ZNF628: variants seen among roughly 807,000 people sequenced by gnomAD.
The protein encoded by ZNF628 is zinc finger protein 628.
A neutral mutation model predicts 2.5 loss-of-function variants in ZNF628; 3 were observed. That is an observed-to-expected ratio of 1.19 (90% CI 0.54 to 3.07). The LOEUF (loss-of-function observed/expected upper bound fraction) is 3.07, where lower values mean the gene tolerates loss of function less well. Ranked by LOEUF, ZNF628 falls within the 30% of genes most tolerant of loss-of-function variation. The pLI is 0.03. For synonymous variants in ZNF628, 861 were observed against 717.1 expected (o/e 1.20, Z -3.21); for missense variants, 1,610 against 1,517.1 (o/e 1.06, Z -1.02).
Position 55,483,330 on chromosome 19 carries a change from C to T in ZNF628, c.2137C>T (p.Leu713Phe), listed in dbSNP as rs767704787. 164 of 1,537,572 alleles carry T rather than the reference C, an allele frequency of 1.1e-4. No homozygotes were observed. Among genetic ancestry groups the T allele is most frequent in the Middle Eastern group, 1.7e-4 (1 of 5,980 alleles). ...GPAAPNSQTF[L>F]LVQTAQGLQL... is the part of the protein sequence containing the mutation. ...AGCAGCGCCCAACTCTCAGACGTTC[C>T]TCCTGGTGCAAACTGCCCAGGGCCT... The change falls in exon 3 of 3, where the codon CTC becomes TTC. Residue 713 changes from leucine (L) to phenylalanine (F), a missense_variant. Around this residue, in one of 5 missense-constraint regions of ZNF628, gnomAD observed 712 missense variants for 603.6 expected, o/e 1.18. Transcript: ENST00000598519.
At position 55,481,683 on chromosome 19, in the gene ZNF628, C is replaced by T. The variant is rs1986705152; in HGVS notation, c.490C>T (p.Arg164Trp). The change falls in exon 3 of 3, where the codon CGG becomes TGG. Residue 164 changes from arginine (R) to tryptophan (W), a missense_variant. By Grantham distance (101) the Arg-to-Trp change is moderately radical (BLOSUM62 -3). Around this residue, in one of 5 missense-constraint regions of ZNF628, gnomAD observed 166 missense variants for 241.3 expected, o/e 0.69. Coordinates refer to ENST00000598519, the MANE Select transcript of ZNF628 (RefSeq NM_033113.3). ...GGCCTTCAAGAACTCGTCCAGCCTG[C>T]GGCGCCACCGCCACGTGCACACCGG... is the stretch of plus-strand genomic sequence containing the variant. ...PKAFKNSSSLRRHRHVHTGER... is the reference protein window; with the variant it reads ...PKAFKNSSSLWRHRHVHTGER... The T allele has an allele frequency of 6.2e-7, 1 of 1,613,234 alleles. No homozygotes were observed. Among genetic ancestry groups the T allele is most frequent in the Non-Finnish European group, 8.5e-7 (1 of 1,179,652 alleles).
intron 1 of ZNF628, among the ~76,000 whole-genome samples, chr19:55,478,742 A>G (rs1986624438): frequency 6.6e-6 from 1 of 152,118 alleles, no homozygotes; most frequent in Non-Finnish European, 1.5e-5. Context: ...GAGGCCTGTG[A>G]GAAGTGGCCA....
rs957158945 is a variant in ZNF628, at chr19:55,483,832, G to A, written c.2639G>A (p.Gly880Glu). 12 of 1,613,344 alleles carry A rather than the reference G, an allele frequency of 7.4e-6. No individual in the cohort carries two copies. The highest frequency in any genetic ancestry group is 5.3e-5 in the African/African-American group (4 of 74,908). Residue 880 changes from glycine to glutamate, a missense_variant, in exon 3 of 3, where the codon GGA becomes GAA. Coordinates refer to ENST00000598519, the MANE Select transcript of ZNF628 (RefSeq NM_033113.3). The stretch of plus-strand genomic sequence containing the variant: ...GGCCAGCTCTCCAATTCCAGTGGGG[G>A]AGCTGTGGCTACTGAGGCACCCAAC... ...VAGQLSNSSG[G>E]AVATEAPNLL...
At position 55,482,901 on chromosome 19, in the gene ZNF628, G is replaced by A; in HGVS notation, c.1708G>A (p.Val570Ile). 6.2e-7 allele frequency: 1 copy of A among 1,607,620 alleles called. No homozygotes were observed. Among genetic ancestry groups the A allele is most frequent in the Non-Finnish European group, 8.5e-7 (1 of 1,177,578 alleles). ...HTGERPHACG[V>I]CGKSFAQTSN... ...TGGCGAGAGGCCCCACGCCTGCGGT[G>A]TCTGCGGCAAGAGCTTCGCGCAGAC... Residue 570 changes from valine to isoleucine, a missense_variant, in exon 3 of 3, where the codon GTC (valine) becomes ATC (isoleucine). Val to Ile is a conservative substitution (Grantham distance 29). This residue lies in a region of ZNF628 where 651 missense variants were observed against 575.6 expected (regional missense o/e 1.13). Transcript: ENST00000598519.
Position 55,481,789 on chromosome 19 carries a change from C to G in ZNF628, c.596C>G (p.Thr199Arg). Residue 199 changes from threonine to arginine, a missense_variant, in exon 3 of 3, where the codon ACG becomes AGG. Around this residue, in one of 5 missense-constraint regions of ZNF628, gnomAD observed 166 missense variants for 241.3 expected, o/e 0.69. Coordinates refer to ENST00000598519, the MANE Select transcript of ZNF628 (RefSeq NM_033113.3). The part of the protein sequence containing the change: ...TNLRQHQRVH[T>R]GERPFRCPLC... ...CTGCGGCAGCACCAGCGCGTGCACA[C>G]GGGCGAGCGGCCCTTCCGCTGCCCG... 1 of 1,605,596 alleles carries G rather than the reference C, an allele frequency of 6.2e-7. No homozygotes were observed. Among genetic ancestry groups the G allele is most frequent in the Non-Finnish European group, 8.5e-7 (1 of 1,176,594 alleles).
In ZNF628 at chr19:55,483,154, C is replaced by T; in HGVS notation, c.1961C>T (p.Thr654Ile). Residue 654 changes from threonine (T) to isoleucine (I), a missense_variant, in exon 3 of 3, where the codon ACA (threonine) becomes ATA (isoleucine). Physicochemically the swap from Thr to Ile is moderately conservative, Grantham distance 89. This residue lies in a region of ZNF628 where 712 missense variants were observed against 603.6 expected (regional missense o/e 1.18). Transcript: ENST00000598519. ...CCGGCCAACACGCCTCCCAGCACCA[C>T]AGCCCCTGCCGCCGGCCCCCAGCCC... ...HAPANTPPST[T>I]APAAGPQPPA... The T allele has an allele frequency of 6.4e-7, 1 of 1,563,596 alleles. No individual in the cohort carries two copies. Among genetic ancestry groups the T allele is most frequent in the Non-Finnish European group, 8.6e-7 (1 of 1,161,960 alleles).
chr19:55,481,085 T>C, intron 2 of ZNF628, 116 bp from the exon 3 acceptor site: 1 of 1,365,436 alleles, frequency 7.3e-7, no homozygotes, highest in Non-Finnish European at 9.6e-7. Flanking sequence ...GAAGGTCCCC[T>C]GCAAAGTGGG....
Position 55,481,956 on chromosome 19 carries a change from T to TACCTGCAGCGGC in ZNF628, c.768_779dup (p.Arg258_Gln261dup). ...CGGCAAGGTCTTCGTGTGCGACGCC[T>TACCTGCAGCGGC]ACCTGCAGCGGCACCTCCAGCCCCA... On this transcript the variant is annotated inframe_insertion, in exon 3 of 3. Transcript: ENST00000598519. 1 of 1,460,706 alleles carries TACCTGCAGCGGC rather than the reference T, an allele frequency of 6.8e-7. No individual in the cohort carries two copies. The highest frequency in any genetic ancestry group is 9.0e-7 in the Non-Finnish European group (1 of 1,114,348). The allele number at this position is 1,460,706 out of a possible 1,614,324, so 90.5% of individuals were successfully genotyped here.
At chr19:55,478,260 A>G (rs1986611054) in intron 1 of ZNF628, among the ~76,000 whole-genome samples, 1 of 152,190 alleles carries the variant, frequency 6.6e-6, no homozygotes, top group Non-Finnish European at 1.5e-5. Context: ...TGCGGGGGAA[A>G]AATAAGGCAG....
chr19:55,483,499 A>T lies in ZNF628; in HGVS notation c.2306A>T (p.Gln769Leu). 1 of 1,542,860 alleles carries T rather than the reference A, an allele frequency of 6.5e-7. No homozygotes were observed. The highest frequency in any genetic ancestry group is 8.7e-7 in the Non-Finnish European group (1 of 1,145,750). ...CCGCGGGCAGTGGGGAAAGCGGGCC[A>T]GGGGGCGGGAGTGGTCTGGCTGCCA... is the stretch of plus-strand genomic sequence containing the variant. ...QGPRAVGKAG[Q>L]GAGVVWLPGP... The change falls in exon 3 of 3, where the codon CAG becomes CTG. Residue 769 changes from glutamine (Q) to leucine (L), a missense_variant. By Grantham distance (113) the Gln-to-Leu change is moderately radical (BLOSUM62 -2). This residue lies in a region of ZNF628 where 712 missense variants were observed against 603.6 expected (regional missense o/e 1.18). Transcript: ENST00000598519.
Position 55,483,230 on chromosome 19 carries a change from C to T in ZNF628, c.2037C>T (p.His679=), listed in dbSNP as rs1165786225. 1 of 1,538,510 alleles carries T rather than the reference C, an allele frequency of 6.5e-7. No individual in the cohort carries two copies. The change falls in exon 3 of 3, where the codon CAC becomes CAT. Residue 679 remains histidine (H), a synonymous_variant. Coordinates refer to ENST00000598519, the MANE Select transcript of ZNF628 (RefSeq NM_033113.3). ...ARAPPATQDV[H]VLPHLQATLS... ...CCCCGCCAGCCACCCAAGATGTCCA[C>T]GTCCTGCCCCACCTCCAGGCCACGC... is the stretch of plus-strand genomic sequence containing the variant.
At position 55,482,502 on chromosome 19, in the gene ZNF628, G is replaced by GCCCCCGCCCCGCCGCCA. The variant is rs1474862511; in HGVS notation, c.1315_1316insCCCCGCCGCCACCCCCG (p.Val439AlafsTer209). ...CCCCCAGGAACCGCTGGCGCCTGCC[G>GCCCCCGCCCCGCCGCCA]CCCCCGTCCCGCCGCCACCCCCGTC... is the stretch of plus-strand genomic sequence containing the variant. On this transcript the variant is annotated frameshift_variant, in exon 3 of 3. Coordinates refer to ENST00000598519, the MANE Select transcript of ZNF628 (RefSeq NM_033113.3). LOFTEE classifies it low-confidence loss of function (END_TRUNC). 6 of 1,439,374 alleles carry GCCCCCGCCCCGCCGCCA rather than the reference G, an allele frequency of 4.2e-6. No homozygotes were observed. The African/African-American group carries it at 7.3e-5, about 17-fold the overall frequency. 89.2% of individuals were successfully genotyped at this position (1,439,374 alleles called of 1,614,324 possible).
In ZNF628 at chr19:55,476,826, TG is replaced by T. The variant is rs970944704; in HGVS notation, c.-78+24del. 1.2e-4 allele frequency: 2 copies of T among 17,034 alleles called. No individual in the cohort carries two copies. The highest frequency in any genetic ancestry group is 4.8e-4 in the African/African-American group (2 of 4,174). The allele number at this position is 17,034 out of a possible 1,614,324, so 1.1% of individuals were successfully genotyped here. Reference sequence around the variant, plus strand: ...GCCGCAGGTGAGAGACCGGAGGGGGTGGGGGTGGGGGGAGGGACCGGAGGGC... The same window carrying T: ...GCCGCAGGTGAGAGACCGGAGGGGGTGGGGTGGGGGGAGGGACCGGAGGGC... On this transcript the variant is annotated intron_variant, in intron 1 of 2. Coordinates refer to ENST00000598519, the MANE Select transcript of ZNF628 (RefSeq NM_033113.3).
Position 55,483,271 on chromosome 19 carries a change from CG to C in ZNF628, c.2084del (p.Gly695AlafsTer29). 4 of 1,519,434 alleles carry C rather than the reference CG, an allele frequency of 2.6e-6. No homozygotes were observed. The highest frequency in any genetic ancestry group is 1.4e-5 in the African/African-American group (1 of 72,634). The allele number at this position is 1,519,434 out of a possible 1,614,324, so 94.1% of individuals were successfully genotyped here. ...HLQATLSLEVAGGTAQAPSLG... is the reference protein window; with the variant it reads ...HLQATLSLEVXGGTAQAPSLG... ...CAGGCCACGCTCTCCCTCGAGGTGG[CG>C]GGGGGCACGGCCCAGGCCCCGAGCT... is the stretch of plus-strand genomic sequence containing the variant. On this transcript the variant is annotated frameshift_variant, in exon 3 of 3. Transcript: ENST00000598519. LOFTEE classifies it low-confidence loss of function (END_TRUNC).
At position 55,483,137 on chromosome 19, in the gene ZNF628, C is replaced by A. The variant is rs371420206; in HGVS notation, c.1944C>A (p.Asn648Lys). The part of the protein sequence containing the change: ...QRHLRTHAPA[N>K]TPPSTTAPAA... Reference sequence around the variant, plus strand: ...ACCTGAGGACGCACGCCCCGGCCAACACGCCTCCCAGCACCACAGCCCCTG... The same window carrying A: ...ACCTGAGGACGCACGCCCCGGCCAAAACGCCTCCCAGCACCACAGCCCCTG... The change falls in exon 3 of 3, where the codon AAC becomes AAA. Residue 648 changes from asparagine (N) to lysine (K), a missense_variant. Transcript: ENST00000598519. 38 of 1,583,484 alleles carry A rather than the reference C, an allele frequency of 2.4e-5. No individual in the cohort carries two copies. In the African/African-American group the frequency reaches 5.0e-4, roughly 21 times the overall value.
chr19:55,484,159 G>A lies in ZNF628; in HGVS notation c.2966G>A (p.Ser989Asn). Reference protein sequence around the residue: ...SAPATELLDSSNTGGGTATLQ... With the variant: ...SAPATELLDSNNTGGGTATLQ... ...CCAGCCACTGAGCTGCTGGACAGCA[G>A]CAACACTGGAGGAGGCACCGCCACG... Residue 989 changes from serine to asparagine, a missense_variant, in exon 3 of 3, where the codon AGC (serine) becomes AAC (asparagine). Around this residue, in one of 5 missense-constraint regions of ZNF628, gnomAD observed 712 missense variants for 603.6 expected, o/e 1.18. Coordinates refer to ENST00000598519, the MANE Select transcript of ZNF628 (RefSeq NM_033113.3). The A allele has an allele frequency of 6.3e-7, 1 of 1,575,754 alleles. No individual in the cohort carries two copies. Among genetic ancestry groups the A allele is most frequent in the Admixed American group, 1.8e-5 (1 of 55,988 alleles).
In ZNF628 at chr19:55,482,039, CTT is replaced by C; in HGVS notation, c.850_851del (p.Leu284GlyfsTer138). 8.8e-6 allele frequency: 13 copies of C among 1,472,582 alleles called. No homozygotes were observed. The highest frequency in any genetic ancestry group is 1.2e-5 in the Non-Finnish European group (13 of 1,112,058). 91.2% of individuals were successfully genotyped at this position (1,472,582 alleles called of 1,614,324 possible). On this transcript the variant is annotated frameshift_variant, in exon 3 of 3. Transcript: ENST00000598519. LOFTEE classifies it low-confidence loss of function (END_TRUNC). ...CGCCCCCGCCCGTGGTGCCTGAGCT[CTT>C]TTTGGCGGCGGCGGAGACCACGGTG... ...PPPPPVVPEL[F>X]LAAAETTVEL... is the part of the protein sequence containing the mutation.
Position 55,482,363 on chromosome 19 carries a change from C to T in ZNF628, c.1170C>T (p.Ser390=). ...AAGGQAFRCG[S]CDGSFPQLAS... is the part of the protein sequence containing the mutation. ...GCGGGCAAGCGTTCCGCTGCGGCAGCTGCGACGGCTCCTTCCCGCAGCTGG... is the reference window on the plus strand; with the variant it reads ...GCGGGCAAGCGTTCCGCTGCGGCAGTTGCGACGGCTCCTTCCCGCAGCTGG... Residue 390 remains serine, a synonymous_variant, in exon 3 of 3, where the codon AGC becomes AGT. Coordinates refer to ENST00000598519, the MANE Select transcript of ZNF628 (RefSeq NM_033113.3). 1 of 1,437,878 alleles carries T rather than the reference C, an allele frequency of 7.0e-7. No individual in the cohort carries two copies. Among genetic ancestry groups the T allele is most frequent in the Non-Finnish European group, 9.1e-7 (1 of 1,099,658 alleles). 89.1% of individuals were successfully genotyped at this position (1,437,878 alleles called of 1,614,324 possible).
At position 55,483,779 on chromosome 19, in the gene ZNF628, G is replaced by T. The variant is rs780418169; in HGVS notation, c.2586G>T (p.Val862=). 6 of 1,613,486 alleles carry T rather than the reference G, an allele frequency of 3.7e-6. No homozygotes were observed. In the Admixed American group the frequency reaches 8.3e-5, roughly 22 times the overall value. ...TTVQLQPAQE[V]TTVQLQPVAG... ...TCCAGCTCCAGCCAGCACAGGAGGT[G>T]ACCACGGTCCAGCTCCAGCCCGTGG... The change falls in exon 3 of 3, where the codon GTG becomes GTT. Residue 862 remains valine (V), a synonymous_variant. Coordinates refer to ENST00000598519, the MANE Select transcript of ZNF628 (RefSeq NM_033113.3).
Sources: gnomAD v4.1 joint callset for allele counts (sites outside exome capture counted in the v4.1 genomes callset) on GRCh38, gnomAD v4.1.1 for gene constraint, gnomAD v4.1.1 regional missense constraint, MANE v1.5 for transcripts, NCBI Gene and HGNC (gene_info 2026-07-23, HGNC 2026-07-21) for gene names.